KLF8: variants seen among roughly 807,000 people sequenced by gnomAD.
KLF8 encodes the protein Krueppel-like factor 8.
In KLF8, 10 loss-of-function variants were observed where a neutral mutation model predicts 18.2. The observed-to-expected ratio is 0.55, with a 90% CI of 0.34 to 0.93. KLF8 has a LOEUF of 0.93. Among genes scored for constraint, KLF8 ranks in the 40% least tolerant of loss-of-function variants. The probability of loss-of-function intolerance (pLI) is 0.02; values close to 1 mark genes in which losing one functional copy is unlikely to be tolerated. For synonymous variants in KLF8, 109 were observed against 97.3 expected, an observed-to-expected ratio of 1.12 and a Z score of -0.71; for missense variants, 264 against 277.9, an observed-to-expected ratio of 0.95 and a Z score of 0.36.
the KLF8 span, among the ~76,000 whole-genome samples, chrX:56,151,346 G>A: frequency 8.9e-6 from 1 of 111,758 alleles, no homozygotes; most frequent in South Asian, 3.7e-4. Context: ...TAAGAGAATG[G>A]GGATGGAATA....
chrX:56,112,356 G>A, the KLF8 span, among the ~76,000 whole-genome samples: 1 of 111,257 alleles, frequency 9.0e-6, no homozygotes, highest in African/African-American at 3.3e-5. Flanking sequence ...GGGGGAGATA[G>A]CATTAGGAGA....
chrX:55,995,302 T>C, the KLF8 span, among the ~76,000 whole-genome samples: 1 of 112,716 alleles, frequency 8.9e-6, no homozygotes, highest in South Asian at 3.7e-4. Context: ...GACGAGTTCC[T>C]TGATTATAGC....
the KLF8 span, among the ~76,000 whole-genome samples, chrX:56,045,132 A>C: frequency 8.9e-6 from 1 of 111,796 alleles, no homozygotes; most frequent in Non-Finnish European, 1.9e-5. Context: ...TAGTTATTCC[A>C]GCACCATATG....
chrX:56,027,951 A>T, the KLF8 span, among the ~76,000 whole-genome samples: 1 of 112,494 alleles, frequency 8.9e-6, no homozygotes, highest in Non-Finnish European at 1.9e-5. Flanking sequence ...GGGGGCCTTT[A>T]TATTTAAGTT....
chrX:56,032,858 G>A, the KLF8 span, among the ~76,000 whole-genome samples: 2 of 111,482 alleles, frequency 1.8e-5, no homozygotes, highest in Non-Finnish European at 3.8e-5. Flanking sequence ...CCTAAGAGTG[G>A]AATTACTAGG....
At chrX:56,078,074 A>G in the KLF8 span, among the ~76,000 whole-genome samples, 1 of 110,049 alleles carries the variant, frequency 9.1e-6, no homozygotes, top group Non-Finnish European at 1.9e-5. Flanking sequence ...ATATTAAATC[A>G]TGTCATCTGC....
chrX:56,145,427 C>T, the KLF8 span, among the ~76,000 whole-genome samples: 6 of 112,076 alleles, frequency 5.4e-5, no homozygotes, highest in Non-Finnish European at 7.5e-5. Flanking sequence ...CTACAGTTAC[C>T]GGATGGTCCA....
chrX:55,992,193 A>C, the KLF8 span, among the ~76,000 whole-genome samples: 1 of 112,199 alleles, frequency 8.9e-6, no homozygotes, highest in African/African-American at 3.2e-5. Flanking sequence ...GTTCAGAATT[A>C]TATTCCTAGG....
At chrX:56,250,739 G>GGA (rs756356380) in intron 2 of KLF8, among the ~76,000 whole-genome samples, 17 of 108,113 alleles carry the variant, frequency 1.6e-4, no homozygotes, top group East Asian at 2.9e-4. Context: ...ATATGTACAT[G>GGA]GAGAGAGAGA....
At chrX:56,156,734 C>A in the KLF8 span, among the ~76,000 whole-genome samples, 1 of 103,796 alleles carries the variant, frequency 9.6e-6, no homozygotes, top group African/African-American at 3.5e-5. Context: ...TACCCACCCC[C>A]CACAACAGGC....
chrX:55,946,552 T>A, the KLF8 span, among the ~76,000 whole-genome samples: 492 of 111,595 alleles, frequency 4.4e-3, 1 homozygote, highest in African/African-American at 0.015. Context: ...AACCTAGGCA[T>A]TACCATTCAG....
chrX:55,932,370 T>C, the KLF8 span, among the ~76,000 whole-genome samples: 1 of 111,465 alleles, frequency 9.0e-6, no homozygotes, highest in Non-Finnish European at 1.9e-5. Context: ...CCATTTACAT[T>C]TAAGATTAAT....
chrX:56,185,741 T>C, the KLF8 span, among the ~76,000 whole-genome samples: 1 of 111,687 alleles, frequency 9.0e-6, no homozygotes, highest in African/African-American at 3.3e-5. Context: ...AAGAAAAGAA[T>C]TTTCAACCCA....
At chrX:56,159,796 T>C in the KLF8 span, among the ~76,000 whole-genome samples, 12 of 111,563 alleles carry the variant, frequency 1.1e-4, no homozygotes, top group Admixed American at 4.8e-4. Context: ...TTATTAGTCT[T>C]GGTAGTGGTC....
chrX:56,127,639 C>T, the KLF8 span, among the ~76,000 whole-genome samples: 1 of 111,525 alleles, frequency 9.0e-6, no homozygotes, highest in South Asian at 3.8e-4. Context: ...ACCTTCCAGC[C>T]TGAGTGACAG....
the KLF8 span, among the ~76,000 whole-genome samples, chrX:56,180,643 G>A: frequency 1.8e-5 from 2 of 110,464 alleles, no homozygotes; most frequent in African/African-American, 3.3e-5. Context: ...ATGTGTCCCC[G>A]AGATTGTGGT....
chrX:56,218,084 G>A, the KLF8 span, among the ~76,000 whole-genome samples: 1 of 111,585 alleles, frequency 9.0e-6, no homozygotes, highest in Admixed American at 9.6e-5. Flanking sequence ...CATACCAACA[G>A]CAGAAAGGAA....
chrX:56,064,870 G>A, the KLF8 span, among the ~76,000 whole-genome samples: 5 of 111,491 alleles, frequency 4.5e-5, no homozygotes, highest in African/African-American at 6.5e-5. Context: ...ACTGGGTATA[G>A]CGTTGTTGGC....
chrX:56,207,427 T>C, the KLF8 span, among the ~76,000 whole-genome samples: 1 of 112,401 alleles, frequency 8.9e-6, no homozygotes, highest in Non-Finnish European at 1.9e-5. Flanking sequence ...TTAATGCTTT[T>C]AACAGTACTG....
Sources: gnomAD v4.1 joint callset for allele counts (sites outside exome capture counted in the v4.1 genomes callset) on GRCh38, gnomAD v4.1.1 for gene constraint, MANE v1.5 for transcripts, NCBI Gene and HGNC (gene_info 2026-07-23, HGNC 2026-07-21) for gene names.